Variants in RET observed in about 807,000 individuals in gnomAD.
RET encodes the protein proto-oncogene tyrosine-protein kinase receptor Ret.
In RET, 19 loss-of-function variants were observed where a neutral mutation model predicts 118.3. The ratio of observed to expected loss-of-function variants is 0.16; its 90% CI spans 0.11 to 0.24. RET has a LOEUF of 0.24. RET is among the 10% of genes least tolerant of loss of function. RET has a pLI of 1.00. For synonymous variants in RET, 597 were observed against 644.1 expected, an observed-to-expected ratio of 0.93 and a Z score of 1.11; for missense variants, 1,219 against 1,502.1, an observed-to-expected ratio of 0.81 and a Z score of 3.12.
At chr10:43,084,794 G>T (rs1479765775) in intron 1 of RET, among the ~76,000 whole-genome samples, 1 of 152,134 alleles carries the variant, frequency 6.6e-6, no homozygotes, top group Non-Finnish European at 1.5e-5. Flanking sequence ...GGAAACCATG[G>T]TGTCACTGCT....
rs1837997790 is a variant in RET, at chr10:43,113,690, GC to G, written c.1879+17del. 1 of 1,612,382 alleles carries G rather than the reference GC, an allele frequency of 6.2e-7. No homozygotes were observed. The highest frequency in any genetic ancestry group is 8.5e-7 in the Non-Finnish European group (1 of 1,179,730). The stretch of plus-strand genomic sequence containing the variant: ...AGACATCCAGGGTGAGTGGGTGGCG[GC>G]CGGGACCACCACCACCTCCCAGCCC... On this transcript the variant is annotated intron_variant, in intron 10 of 19. Transcript: ENST00000355710.
Position 43,128,619 on chromosome 10 carries a change from T to A in RET, c.*350T>A. ...GGTCCAACACTTACTACCTGGTGTA[T>A]GAAATTGGACCTGAACTGTTGGATT... is the stretch of plus-strand genomic sequence containing the variant. On this transcript the variant is annotated 3_prime_UTR_variant, in exon 20 of 20. Transcript: ENST00000355710. 1 of 439,488 alleles carries A rather than the reference T, an allele frequency of 2.3e-6. No individual in the cohort carries two copies. Among genetic ancestry groups the A allele is most frequent in the Non-Finnish European group, 4.2e-6 (1 of 235,740 alleles). 27.2% of individuals were successfully genotyped at this position (439,488 alleles called of 1,614,324 possible). A position where few individuals can be genotyped will look rare whatever the true frequency, so the allele number is the denominator to read the frequency against.
rs2132853062 is a variant in RET at position 43,114,677 on chromosome 10, C to T, written c.2077C>T (p.Arg693Cys). The T allele has an allele frequency of 6.2e-7, 1 of 1,612,486 alleles. No homozygotes were observed. Among genetic ancestry groups the T allele is most frequent in the Non-Finnish European group, 8.5e-7 (1 of 1,179,974 alleles). ...FPVSYSSSGA[R>C]RPSLDSMENQ... is the part of the protein sequence containing the mutation. ...GGTCAGCTACTCCTCTTCCGGTGCC[C>T]GCCGGCCCTCGCTGGACTCCATGGA... is the stretch of plus-strand genomic sequence containing the variant. The change falls in exon 11 of 20, where the codon CGC becomes TGC. Residue 693 changes from arginine to cysteine, a missense_variant. By Grantham distance (180) the Arg-to-Cys change is radical. This residue lies in a region of RET where 850 missense variants were observed against 969.6 expected (regional missense o/e 0.88). Transcript: ENST00000355710. The surrounding 1 kb of genome is among the most constrained non-coding windows in gnomAD (Gnocchi z 4.6).
chr10:43,088,946 G>GGA (rs887359335), intron 1 of RET, among the ~76,000 whole-genome samples: 6 of 152,158 alleles, frequency 3.9e-5, no homozygotes, highest in African/African-American at 1.4e-4. Context: ...CTCTGGCTCT[G>GGA]CCCCCAGCCC....
chr10:43,095,292 C>T (rs1037356223), intron 1 of RET, among the ~76,000 whole-genome samples: 1 of 152,082 alleles, frequency 6.6e-6, no homozygotes, highest in African/African-American at 2.4e-5. Context: ...GAGCACATAG[C>T]ACACCCTGTC....
intron 1 of RET, among the ~76,000 whole-genome samples, chr10:43,094,051 T>C (rs1256528117): frequency 2.3e-5 from 3 of 130,344 alleles, no homozygotes; most frequent in Non-Finnish European, 3.0e-5. Flanking sequence ...TATTTGACTA[T>C]AGTAAGAGAA....
At position 43,108,946 on chromosome 10, in the gene RET, C is replaced by T; in HGVS notation, c.1064-85C>T. The T allele has an allele frequency of 6.0e-6, 8 of 1,335,466 alleles. No homozygotes were observed. The South Asian group carries it at 8.2e-5, about 14-fold the overall frequency. The allele number at this position is 1,335,466 out of a possible 1,614,324, so 82.7% of individuals were successfully genotyped here. On this transcript the variant is annotated intron_variant, in intron 5 of 19. Coordinates refer to ENST00000355710, the MANE Select transcript of RET (RefSeq NM_020975.6). Reference sequence around the variant, plus strand: ...GTGCGTGTTTGCACCAGTGTGAGTGCAGGGCTGTGTCTGGGAAGAGGTGTG... The same window carrying T: ...GTGCGTGTTTGCACCAGTGTGAGTGTAGGGCTGTGTCTGGGAAGAGGTGTG...
At position 43,128,640 on chromosome 10, in the gene RET, G is replaced by T; in HGVS notation, c.*371G>T. 5.1e-6 allele frequency: 2 copies of T among 393,120 alleles called. No homozygotes were observed. The highest frequency in any genetic ancestry group is 9.5e-6 in the Non-Finnish European group (2 of 210,464). 24.4% of individuals were successfully genotyped at this position (393,120 alleles called of 1,614,324 possible). A position where few individuals can be genotyped will look rare whatever the true frequency, so the allele number is the denominator to read the frequency against. On this transcript the variant is annotated 3_prime_UTR_variant, in exon 20 of 20. Transcript: ENST00000355710. ...TGTATGAAATTGGACCTGAACTGTT[G>T]GATTTTTCTAGTTGCCGCCAAACAA...
At chr10:43,080,402 T>C (rs1837153577) in intron 1 of RET, among the ~76,000 whole-genome samples, 1 of 152,224 alleles carries the variant, frequency 6.6e-6, no homozygotes. Flanking sequence ...CCTACTCACT[T>C]CATCTTTTCC....
chr10:43,077,358 G>A (rs994420339), intron 1 of RET, 27 bp downstream of exon 1: 1 of 1,502,770 alleles, frequency 6.7e-7, no homozygotes. Context: ...GCCGGCTCCC[G>A]CAGGGGCCAG....
chr10:43,108,691 C>T (rs1035481453), intron 5 of RET, among the ~76,000 whole-genome samples: 3 of 152,134 alleles, frequency 2.0e-5, no homozygotes, highest in Non-Finnish European at 4.4e-5. Flanking sequence ...TATGCACAGA[C>T]ACCACACAAA....
At chr10:43,091,592 C>T (rs1445891513) in intron 1 of RET, among the ~76,000 whole-genome samples, 7 of 150,308 alleles carry the variant, frequency 4.7e-5, no homozygotes, top group African/African-American at 1.5e-4. Flanking sequence ...GATCGTGCCA[C>T]TGCACTCCAG....
Position 43,113,569 on chromosome 10 carries a change from T to C in RET, c.1773T>C (p.Val591=), listed in dbSNP as rs756902570. The C allele has an allele frequency of 2.5e-6, 4 of 1,608,910 alleles. No homozygotes were observed. The highest frequency in any genetic ancestry group is 3.4e-6 in the Non-Finnish European group (4 of 1,178,500). ...CPQDCLRGSI[V]GGHEPGEPRG... ...GTCTGCCCTCAGGGGGCAGCATTGT[T>C]GGGGGACACGAGCCTGGGGAGCCCC... The change falls in exon 10 of 20, where the codon GTT becomes GTC. Residue 591 remains valine (V), a synonymous_variant. Transcript: ENST00000355710.
chr10:43,086,076 G>A (rs1436938124), intron 1 of RET, among the ~76,000 whole-genome samples: 4 of 152,292 alleles, frequency 2.6e-5, no homozygotes, highest in East Asian at 1.9e-4. Context: ...GGTAGCTCAC[G>A]GTGCCTCGGC....
intron 1 of RET, among the ~76,000 whole-genome samples, chr10:43,086,615 C>G (rs541754414): frequency 1.3e-5 from 2 of 152,372 alleles, no homozygotes; most frequent in South Asian, 2.1e-4. Flanking sequence ...ACATGGTCAT[C>G]CACAGGCCAC....
In RET at chr10:43,112,608, T is replaced by G. The variant is rs531641998; in HGVS notation, c.1649-245T>G. Among the ~76,000 whole-genome samples the G allele has an allele frequency of 2.4e-4, 36 of 152,210 alleles. 1 individual carries two copies. The highest frequency in any genetic ancestry group is 4.3e-4 in the Non-Finnish European group (29 of 68,018). On this transcript the variant is annotated intron_variant, in intron 8 of 19. Transcript: ENST00000355710. ...CCACCACCATGAGGGGCCCTCACCA[T>G]GCAGCCCTGAGAGGGTCCCGGCCTC...
rs772862503 is a variant in RET at position 43,119,686 on chromosome 10, G to A, written c.2548G>A (p.Asp850Asn). ...GGATGAGCGGGCCCTCACCATGGGC[G>A]ACCTCATCTCATTTGCCTGGCAGAT... ...HPDERALTMG[D>N]LISFAWQISQ... Residue 850 changes from aspartate (D) to asparagine (N), a missense_variant, in exon 14 of 20, where the codon GAC (aspartate) becomes AAC (asparagine). By Grantham distance (23) the Asp-to-Asn change is conservative (BLOSUM62 1). This residue lies in a region of RET where 850 missense variants were observed against 969.6 expected (regional missense o/e 0.88). Transcript: ENST00000355710. 2 of 1,613,522 alleles carry A rather than the reference G, an allele frequency of 1.2e-6. No individual in the cohort carries two copies. The highest frequency in any genetic ancestry group is 1.7e-6 in the Non-Finnish European group (2 of 1,179,958).
intron 15 of RET, among the ~76,000 whole-genome samples, chr10:43,121,448 A>G (rs1838215784): frequency 1.3e-5 from 2 of 152,190 alleles, no homozygotes; most frequent in Non-Finnish European, 2.9e-5. Flanking sequence ...GCACTCATTC[A>G]GAGATGCTAA....
intron 1 of RET, among the ~76,000 whole-genome samples, chr10:43,091,629 C>CA (rs570828319): frequency 0.029 from 2,564 of 88,038 alleles, 31 homozygotes; most frequent in South Asian, 0.052. Context: ...AGACTCCATA[C>CA]AAAAAAAAAA....
Sources: gnomAD v4.1 joint callset for allele counts (sites outside exome capture counted in the v4.1 genomes callset) on GRCh38, gnomAD v4.1.1 for gene constraint, gnomAD v4.1.1 regional missense constraint, Gnocchi (gnomAD v3.1) non-coding constraint, MANE v1.5 for transcripts, NCBI Gene and HGNC (gene_info 2026-07-23, HGNC 2026-07-21) for gene names.